TRERF1: variants seen among roughly 807,000 people sequenced by gnomAD.
TRERF1 encodes the protein transcriptional regulating factor 1.
TRERF1 carries 27 observed loss-of-function variants against 122.9 expected under a neutral mutation model. The ratio of observed to expected loss-of-function variants is 0.22; its 90% CI spans 0.16 to 0.30. TRERF1 has a LOEUF of 0.30. Among genes scored for constraint, TRERF1 ranks in the 10% least tolerant of loss-of-function variants. The pLI, the probability that TRERF1 is intolerant of heterozygous loss-of-function variation, is 1.00. For synonymous variants in TRERF1, 636 were observed against 641.7 expected, an observed-to-expected ratio of 0.99 and a Z score of 0.13; for missense variants, 1,248 against 1,560.3, an observed-to-expected ratio of 0.80 and a Z score of 3.37.
chr6:42,280,144 G>A (rs1365646248), intron 4 of TRERF1, among the ~76,000 whole-genome samples: 1 of 152,122 alleles, frequency 6.6e-6, no homozygotes, highest in Non-Finnish European at 1.5e-5. Context: ...ACTGGGCAAT[G>A]CCACGGTCCC....
At chr6:42,250,741 G>A (rs1229883025) in intron 13 of TRERF1, among the ~76,000 whole-genome samples, 3 of 152,076 alleles carry the variant, frequency 2.0e-5, no homozygotes, top group Non-Finnish European at 4.4e-5. Context: ...GATGATTAAG[G>A]CTAATTACAA....
At chr6:42,421,616 T>C (rs1035355062) in intron 2 of TRERF1, among the ~76,000 whole-genome samples, 1 of 151,296 alleles carries the variant, frequency 6.6e-6, no homozygotes, top group Non-Finnish European at 1.5e-5. Context: ...TCTACTAAAA[T>C]ACAAAAAGTT....
chr6:42,262,135 C>A (rs1778002876), intron 8 of TRERF1, among the ~76,000 whole-genome samples: 1 of 152,132 alleles, frequency 6.6e-6, no homozygotes, highest in African/African-American at 2.4e-5. Context: ...TGTGTCATTT[C>A]ATCTCTCTGC....
rs1207071055 is a variant in TRERF1 at position 42,393,991 on chromosome 6, T to C, written c.-453-30912A>G. 6.6e-6 allele frequency among the ~76,000 whole-genome samples: 1 copy of C among 152,164 alleles called. No individual in the cohort carries two copies. The highest frequency in any genetic ancestry group is 1.5e-5 in the Non-Finnish European group (1 of 68,026). ...GGTTTCTTCCAGAAAGATGGATGTT[T>C]TTATTTTCTTCTCTATGATTTCCTA... On this transcript the variant is annotated intron_variant, in intron 2 of 17. Transcript: ENST00000372922. The surrounding 1 kb of genome is among the most constrained non-coding windows in gnomAD (Gnocchi z 4.1).
intron 2 of TRERF1, among the ~76,000 whole-genome samples, chr6:42,406,003 T>C (rs1780133299): frequency 6.6e-6 from 1 of 152,022 alleles, no homozygotes; most frequent in Non-Finnish European, 1.5e-5. Context: ...ATCACAAAAA[T>C]AACAAGAGCA....
intron 5 of TRERF1, among the ~76,000 whole-genome samples, chr6:42,267,415 G>A (rs1779405823): frequency 1.3e-5 from 2 of 152,156 alleles, no homozygotes; most frequent in African/African-American, 4.8e-5. Context: ...CGCATCATGA[G>A]GTCGGAGTTT....
intron 4 of TRERF1, among the ~76,000 whole-genome samples, chr6:42,270,499 C>G (rs966267526): frequency 3.4e-4 from 51 of 152,200 alleles, no homozygotes; most frequent in African/African-American, 1.1e-3. Flanking sequence ...CTGTTCAACA[C>G]ATATTTATTA....
intron 3 of TRERF1, among the ~76,000 whole-genome samples, chr6:42,340,458 T>C (rs777132142): frequency 2.0e-5 from 3 of 152,188 alleles, no homozygotes; most frequent in South Asian, 2.1e-4. Context: ...TATCAGCCCA[T>C]AGATTAATCT....
chr6:42,236,292 G>A (rs375569710), exon 16 of TRERF1: 29 of 1,611,190 alleles, frequency 1.8e-5, no homozygotes, highest in African/African-American at 6.7e-5. Context: ...GAGCCAGGAC[G>A]GGGACGGGTG....
exon 18 of TRERF1, chr6:42,227,300 A>G (rs1319550713): frequency 6.6e-6 from 1 of 152,260 alleles, no homozygotes; most frequent in African/African-American, 2.4e-5. Flanking sequence ...ACATCAAGGT[A>G]AACTTCAGTC....
At chr6:42,277,265 C>A (rs1422957738) in intron 4 of TRERF1, among the ~76,000 whole-genome samples, 3 of 152,162 alleles carry the variant, frequency 2.0e-5, no homozygotes, top group Non-Finnish European at 4.4e-5. Context: ...CCCTAAGTAT[C>A]CAACAGCAGG....
intron 2 of TRERF1, among the ~76,000 whole-genome samples, chr6:42,394,188 T>A (rs1007332985): frequency 1.3e-5 from 2 of 152,126 alleles, no homozygotes; most frequent in Admixed American, 6.5e-5. Flanking sequence ...AGGCCTCTGA[T>A]ACTTTCCCCA....
chr6:42,234,980 A>G (rs7739621), intron 16 of TRERF1, among the ~76,000 whole-genome samples: 5,000 of 152,250 alleles, frequency 0.033, 294 homozygotes, highest in African/African-American at 0.11. Flanking sequence ...TGCAGTGAAC[A>G]CTCTATACAA....
chr6:42,439,452 C>T (rs1383334532), intron 2 of TRERF1, among the ~76,000 whole-genome samples: 9 of 152,072 alleles, frequency 5.9e-5, no homozygotes, highest in Admixed American at 4.6e-4. Context: ...GGCACAGTGG[C>T]GGGCACCTGT....
Position 42,317,901 on chromosome 6 carries a change from C to A in TRERF1, c.-370-17152G>T, listed in dbSNP as rs145226549. On this transcript the variant is annotated intron_variant, in intron 3 of 17. Transcript: ENST00000372922. ...AGGCACGGTGGCTCACACCTGTAAT[C>A]CCAGCACTTCAGGAGGCCGAGGCAG... Among the ~76,000 whole-genome samples the A allele has an allele frequency of 4.2e-3, 641 of 152,110 alleles. 5 individuals are homozygous for A. The highest frequency in any genetic ancestry group is 0.015 in the African/African-American group (613 of 41,508).
chr6:42,287,059 G>T (rs1184038792), intron 4 of TRERF1, among the ~76,000 whole-genome samples: 1 of 147,688 alleles, frequency 6.8e-6, no homozygotes, highest in East Asian at 2.0e-4. Context: ...AACAAACGCC[G>T]CATATTCTCA....
intron 5 of TRERF1, 97 bp from the exon 6 acceptor site, chr6:42,265,894 C>G: frequency 7.7e-7 from 1 of 1,291,604 alleles, no homozygotes; most frequent in Non-Finnish European, 1.1e-6. Context: ...AGGTACTCTT[C>G]CAGGACTCTT....
At position 42,345,165 on chromosome 6, in the gene TRERF1, G is replaced by A. The variant is rs77880599; in HGVS notation, c.-371+17832C>T. On this transcript the variant is annotated intron_variant, in intron 3 of 17. Coordinates refer to ENST00000372922, the Ensembl canonical transcript of TRERF1. Reference sequence around the variant, plus strand: ...GTGAGTGGACAGAAAAAAATGTCTAGAAAGCTACACATGAAAATGTTCATT... The same window carrying A: ...GTGAGTGGACAGAAAAAAATGTCTAAAAAGCTACACATGAAAATGTTCATT... Among the ~76,000 whole-genome samples, 9 of 152,308 alleles carry A rather than the reference G, an allele frequency of 5.9e-5. No individual in the cohort carries two copies. In the East Asian group the frequency reaches 1.7e-3, roughly 29 times the overall value.
At chr6:42,237,242 GTTA>G (rs1235377239) in intron 15 of TRERF1, among the ~76,000 whole-genome samples, 1 of 152,192 alleles carries the variant, frequency 6.6e-6, no homozygotes, top group African/African-American at 2.4e-5. Context: ...CCTCCTCAAG[GTTA>G]ACAGAATAGT....
Sources: gnomAD v4.1 joint callset for allele counts (sites outside exome capture counted in the v4.1 genomes callset) on GRCh38, gnomAD v4.1.1 for gene constraint, Gnocchi (gnomAD v3.1) non-coding constraint, MANE v1.5 for transcripts, NCBI Gene and HGNC (gene_info 2026-07-23, HGNC 2026-07-21) for gene names.